The following WASF3 variants were observed in gnomAD, a reference collection of about 807,000 sequenced individuals.
WASF3 encodes WASP family member 3.
Under a neutral mutation model 46.6 loss-of-function variants are expected in WASF3, and 11 were observed. The observed-to-expected ratio is 0.24, with a 90% CI of 0.15 to 0.39. The LOEUF (loss-of-function observed/expected upper bound fraction) is 0.39. Among genes scored for constraint, WASF3 ranks in the 10% least tolerant of loss-of-function variants. The pLI is 1.00. For synonymous variants in WASF3, 242 were observed against 259.7 expected, an observed-to-expected ratio of 0.93 and a Z score of 0.65; for missense variants, 576 against 669.8, an observed-to-expected ratio of 0.86 and a Z score of 1.55.
intron 9 of WASF3, among the ~76,000 whole-genome samples, chr13:26,684,919 C>CA: frequency 6.6e-6 from 1 of 152,046 alleles, no homozygotes; most frequent in South Asian, 2.1e-4. Flanking sequence ...TCTATCTCTA[C>CA]AAAAAAGAAA....
At chr13:26,555,085 T>C (rs947163526), upstream of WASF3, among the ~76,000 whole-genome samples, 1 of 152,244 alleles carries the variant, frequency 6.6e-6, no homozygotes, top group Admixed American at 6.5e-5. Context: ...TTAGCTTTTT[T>C]ATTTTAGCCA....
intron 1 of WASF3, among the ~76,000 whole-genome samples, chr13:26,567,253 A>C (rs896475408): frequency 2.6e-5 from 4 of 152,204 alleles, no homozygotes; most frequent in Non-Finnish European, 5.9e-5. Context: ...TTTTTGGTGA[A>C]AGATGTATAG....
the WASF3 span, among the ~76,000 whole-genome samples, chr13:26,549,578 A>C: frequency 6.6e-6 from 1 of 152,232 alleles, no homozygotes; most frequent in Non-Finnish European, 1.5e-5. Context: ...AGGCAACCTT[A>C]GGAAGTGTTC....
chr13:26,554,091 C>T (rs1566032447), upstream of WASF3, among the ~76,000 whole-genome samples: 60 of 96,736 alleles, frequency 6.2e-4, no homozygotes, highest in Non-Finnish European at 8.3e-4. Flanking sequence ...TTCCTTCCTT[C>T]CTTCCTTCTT....
intron 1 of WASF3, among the ~76,000 whole-genome samples, chr13:26,597,851 A>G (rs1267996531): frequency 3.3e-5 from 5 of 152,076 alleles, no homozygotes; most frequent in Admixed American, 2.6e-4. Context: ...ACATTTTCTT[A>G]ATCCAGTCTA....
chr13:26,678,229 G>A lies in WASF3; in HGVS notation c.716+1505G>A, dbSNP rs554450600. The stretch of plus-strand genomic sequence containing the variant: ...GATAAATAGATTATAACTCATCATT[G>A]TATTGGATTATAACCCTTAATTTAG... On this transcript the variant is annotated intron_variant, in intron 7 of 9. Coordinates refer to ENST00000335327, the MANE Select transcript of WASF3 (RefSeq NM_006646.6). Among the ~76,000 whole-genome samples, 44 of 151,960 alleles carry A rather than the reference G, an allele frequency of 2.9e-4. No individual in the cohort carries two copies. In the South Asian group the frequency reaches 8.5e-3, roughly 29 times the overall value.
At chr13:26,661,751 A>G (rs1024745503) in intron 3 of WASF3, among the ~76,000 whole-genome samples, 3 of 152,232 alleles carry the variant, frequency 2.0e-5, no homozygotes, top group Admixed American at 6.5e-5. Context: ...ATTTCTCCAC[A>G]TTCTTACCAA....
At chr13:26,540,982 A>C in the WASF3 span, among the ~76,000 whole-genome samples, 2 of 152,194 alleles carry the variant, frequency 1.3e-5, no homozygotes, top group African/African-American at 2.4e-5. Context: ...AAAGATACTC[A>C]GTGATACGTT....
rs116703754 is a variant in WASF3 at position 26,657,899 on chromosome 13, A to T, written c.134-7129A>T. Among the ~76,000 whole-genome samples the T allele has an allele frequency of 5.7e-3, 867 of 152,266 alleles. 10 individuals are homozygous for T. Among genetic ancestry groups the T allele is most frequent in the African/African-American group, 0.02 (824 of 41,538 alleles). On this transcript the variant is annotated intron_variant, in intron 3 of 9. Transcript: ENST00000335327. The stretch of plus-strand genomic sequence containing the variant: ...TTGTCAGCTTTCAGCAGCTGGCAAA[A>T]TATTAATTATGCAAGTCTCTAAATT...
At chr13:26,652,966 T>G (rs1882357536) in intron 3 of WASF3, among the ~76,000 whole-genome samples, 1 of 152,224 alleles carries the variant, frequency 6.6e-6, no homozygotes, top group Non-Finnish European at 1.5e-5. Context: ...TAATTAATTT[T>G]TGTGCTCTTA....
chr13:26,686,653 C>G lies in WASF3; in HGVS notation c.*808C>G, dbSNP rs1883414671. The G allele has an allele frequency of 6.6e-6, 1 of 152,384 alleles. No individual in the cohort carries two copies. The highest frequency in any genetic ancestry group is 2.4e-5 in the African/African-American group (1 of 41,460). 9.4% of individuals were successfully genotyped at this position (152,384 alleles called of 1,614,324 possible). A position where few individuals can be genotyped will look rare whatever the true frequency, so the allele number is the denominator to read the frequency against. On this transcript the variant is annotated 3_prime_UTR_variant, in exon 10 of 10. Transcript: ENST00000335327. Reference sequence around the variant, plus strand: ...TCTCTCCAGTGTGGGCACCAGCCGGCCAGAACAGATGCGAGCAGTCCATGA... The same window carrying G: ...TCTCTCCAGTGTGGGCACCAGCCGGGCAGAACAGATGCGAGCAGTCCATGA...
intron 3 of WASF3, among the ~76,000 whole-genome samples, chr13:26,645,551 T>C (rs145082811): frequency 1.3e-3 from 193 of 152,276 alleles, no homozygotes; most frequent in African/African-American, 4.5e-3. Flanking sequence ...TCGTATCAGG[T>C]ACATGATTGT....
the WASF3 span, among the ~76,000 whole-genome samples, chr13:26,539,731 A>G: frequency 6.6e-6 from 1 of 152,148 alleles, no homozygotes; most frequent in Non-Finnish European, 1.5e-5. Flanking sequence ...TTCTTTCTGA[A>G]TCTGACCAGG....
chr13:26,642,297 G>A lies in WASF3; in HGVS notation c.27G>A (p.Glu9=), dbSNP rs776726542. MPLVKRNI[E]PRHLCRGALP... is the part of the protein sequence containing the mutation. ...TGCCTTTAGTGAAGAGGAACATTGA[G>A]CCCCGGCACTTGTGCCGGGGAGCTC... is the stretch of plus-strand genomic sequence containing the variant. Residue 9 remains glutamate (E), a synonymous_variant, in exon 3 of 10, where the codon GAG becomes GAA. Coordinates refer to ENST00000335327, the MANE Select transcript of WASF3 (RefSeq NM_006646.6). 1.9e-6 allele frequency: 3 copies of A among 1,592,038 alleles called. No individual in the cohort carries two copies. Among genetic ancestry groups the A allele is most frequent in the Non-Finnish European group, 2.6e-6 (3 of 1,173,464 alleles).
chr13:26,665,283 C>A, intron 4 of WASF3, 121 bp downstream of exon 4: 1 of 1,252,502 alleles, frequency 8.0e-7, no homozygotes, highest in South Asian at 1.5e-5. Context: ...CTTGTCTTTC[C>A]TAGAAGAATA....
chr13:26,688,300 A>G lies in WASF3; in HGVS notation c.*2455A>G, dbSNP rs1193875209. ...ATTTACCAAAACAAATGGAGAAGAA[A>G]CATCCAAAAGCACATTTCATTTCTC... On this transcript the variant is annotated 3_prime_UTR_variant, in exon 10 of 10. Transcript: ENST00000335327. 6.6e-6 allele frequency: 1 copy of G among 152,240 alleles called. No homozygotes were observed. Among genetic ancestry groups the G allele is most frequent in the Non-Finnish European group, 1.5e-5 (1 of 68,042 alleles). 9.4% of individuals were successfully genotyped at this position (152,240 alleles called of 1,614,324 possible). A position where few individuals can be genotyped will look rare whatever the true frequency, so the allele number is the denominator to read the frequency against.
chr13:26,663,688 A>G (rs192376642), intron 3 of WASF3, among the ~76,000 whole-genome samples: 152 of 152,376 alleles, frequency 1.0e-3, no homozygotes, highest in African/African-American at 3.5e-3. Context: ...TTAAATTCAT[A>G]AGAATTCATT....
upstream of WASF3, among the ~76,000 whole-genome samples, chr13:26,556,761 C>T (rs1302649649): frequency 6.6e-6 from 1 of 152,114 alleles, no homozygotes; most frequent in Non-Finnish European, 1.5e-5. Flanking sequence ...AAGAGCAAAC[C>T]AACTTGAATT....
chr13:26,603,037 T>C (rs1880687057), intron 1 of WASF3, among the ~76,000 whole-genome samples: 1 of 152,180 alleles, frequency 6.6e-6, no homozygotes, highest in Non-Finnish European at 1.5e-5. Context: ...AGTCTGAGCT[T>C]GAAGAGGAAG....
Sources: gnomAD v4.1 joint callset for allele counts (sites outside exome capture counted in the v4.1 genomes callset) on GRCh38, gnomAD v4.1.1 for gene constraint, MANE v1.5 for transcripts, NCBI Gene and HGNC (gene_info 2026-07-23, HGNC 2026-07-21) for gene names.